Variants in RPTOR observed in about 807,000 individuals in gnomAD.
RPTOR encodes the protein regulatory-associated protein of mTOR.
A neutral mutation model predicts 169.9 loss-of-function variants in RPTOR; 21 were observed. The ratio of observed to expected loss-of-function variants is 0.12; its 90% CI spans 0.09 to 0.18. RPTOR has a LOEUF of 0.18. RPTOR is among the 10% of genes least tolerant of loss of function. RPTOR has a pLI of 1.00. For missense variants in RPTOR, 1,133 were observed against 1,855.9 expected, an observed-to-expected ratio of 0.61 and a Z score of 7.16; for synonymous variants, 732 against 753.2, an observed-to-expected ratio of 0.97 and a Z score of 0.46.
intron 7 of RPTOR, among the ~76,000 whole-genome samples, chr17:80,793,146 G>T (rs2067066807): frequency 6.6e-6 from 1 of 152,158 alleles, no homozygotes; most frequent in Non-Finnish European, 1.5e-5. Flanking sequence ...GCACTGATGT[G>T]CTACTCAGAA....
chr17:80,733,988 T>C (rs565468138), intron 5 of RPTOR, among the ~76,000 whole-genome samples: 2 of 152,372 alleles, frequency 1.3e-5, no homozygotes, highest in African/African-American at 4.8e-5. Context: ...CTGCACTTTC[T>C]GTGATTGTCT....
At position 80,964,942 on chromosome 17, in the gene RPTOR, T is replaced by C; in HGVS notation, c.*612T>C. ...GGGTGTGAAGGAAGCCGCCCAGGGG[T>C]CCGGGCTGTCCTTGGCCGCTGGCAG... On this transcript the variant is annotated 3_prime_UTR_variant, in exon 34 of 34. Transcript: ENST00000306801. 2 of 233,326 alleles carry C rather than the reference T, an allele frequency of 8.6e-6. 1 individual carries two copies. 14.5% of individuals were successfully genotyped at this position (233,326 alleles called of 1,614,324 possible).
chr17:80,547,023 C>G (rs188248642), intron 1 of RPTOR, among the ~76,000 whole-genome samples: 196 of 152,230 alleles, frequency 1.3e-3, no homozygotes, highest in African/African-American at 4.2e-3. Flanking sequence ...GAGCCGAAAT[C>G]GCACCATTGC....
intron 13 of RPTOR, among the ~76,000 whole-genome samples, chr17:80,859,739 T>C (rs1040301182): frequency 6.6e-6 from 1 of 152,234 alleles, no homozygotes; most frequent in Non-Finnish European, 1.5e-5. Context: ...GGGGTGGTCA[T>C]GTATGTGGGC....
intron 2 of RPTOR, among the ~76,000 whole-genome samples, 165 bp downstream of exon 2, chr17:80,625,958 C>T (rs967720176): frequency 1.3e-5 from 2 of 152,176 alleles, no homozygotes; most frequent in Non-Finnish European, 2.9e-5. Flanking sequence ...ATTTCCGATG[C>T]GCTCACCTGT....
intron 5 of RPTOR, among the ~76,000 whole-genome samples, chr17:80,750,025 A>T (rs1357470675): frequency 6.6e-6 from 1 of 151,598 alleles, no homozygotes; most frequent in African/African-American, 2.4e-5. Flanking sequence ...TAATTAAAAA[A>T]AAATTTTGGA....
At chr17:80,612,115 T>C (rs2143489265) in intron 1 of RPTOR, among the ~76,000 whole-genome samples, 1 of 152,330 alleles carries the variant, frequency 6.6e-6, no homozygotes, top group East Asian at 1.9e-4. Context: ...CACTCTAAAA[T>C]AGGATAGTTT....
chr17:80,760,294 T>C (rs1040680615), intron 6 of RPTOR, among the ~76,000 whole-genome samples: 1 of 134,178 alleles, frequency 7.5e-6, no homozygotes, highest in Non-Finnish European at 1.6e-5. Context: ...TCGAGCTTTC[T>C]TTTTTCTTTT....
intron 9 of RPTOR, among the ~76,000 whole-genome samples, chr17:80,831,296 G>C (rs2067500868): frequency 6.6e-6 from 1 of 152,144 alleles, no homozygotes; most frequent in African/African-American, 2.4e-5. Flanking sequence ...CACGGAGGCT[G>C]AGACGATTCC....
At chr17:80,813,861 C>T (rs916775182) in intron 7 of RPTOR, among the ~76,000 whole-genome samples, 1 of 152,186 alleles carries the variant, frequency 6.6e-6, no homozygotes, top group African/African-American at 2.4e-5. Flanking sequence ...TGACTCGGTA[C>T]GGTGGCTTAT....
intron 3 of RPTOR, among the ~76,000 whole-genome samples, chr17:80,653,552 G>A (rs1169131326): frequency 6.6e-6 from 1 of 152,176 alleles, no homozygotes; most frequent in African/African-American, 2.4e-5. Context: ...CTCCTGTCGG[G>A]GTGAGTGCAG....
At chr17:80,725,830 C>G (rs994908398) in intron 4 of RPTOR, among the ~76,000 whole-genome samples, 1 of 152,222 alleles carries the variant, frequency 6.6e-6, no homozygotes, top group Non-Finnish European at 1.5e-5. Context: ...GGGATACAGA[C>G]TTCCAAATTG....
chr17:80,548,986 C>T (rs981869873), intron 1 of RPTOR, among the ~76,000 whole-genome samples: 2 of 152,166 alleles, frequency 1.3e-5, no homozygotes, highest in African/African-American at 2.4e-5. Flanking sequence ...GCTACAGATT[C>T]CTCAAATTGA....
chr17:80,759,496 G>A (rs1047860124), intron 6 of RPTOR, among the ~76,000 whole-genome samples: 5 of 152,134 alleles, frequency 3.3e-5, no homozygotes, highest in East Asian at 1.9e-4. Context: ...ACAATTGAGC[G>A]GTGTCTCAGG....
intron 3 of RPTOR, among the ~76,000 whole-genome samples, chr17:80,700,813 G>C (rs1284262042): frequency 3.2e-5 from 3 of 95,108 alleles, no homozygotes; most frequent in African/African-American, 1.1e-4. Context: ...TGATGGTGGT[G>C]ATGGTGATGG....
At chr17:80,926,629 T>A (rs1598405531) in intron 24 of RPTOR, among the ~76,000 whole-genome samples, 1 of 152,212 alleles carries the variant, frequency 6.6e-6, no homozygotes, top group East Asian at 1.9e-4. Flanking sequence ...AAGTTAAACA[T>A]TAAAAATAGT....
intron 1 of RPTOR, among the ~76,000 whole-genome samples, chr17:80,577,427 G>A (rs1230556243): frequency 2.0e-5 from 3 of 152,060 alleles, no homozygotes; most frequent in Non-Finnish European, 4.4e-5. Flanking sequence ...ACAGGTGCAT[G>A]CCACCACACC....
Position 80,918,474 on chromosome 17 carries a change from TCATAGCCACGAGCACCCTCGC to T in RPTOR, c.2521-4249_2521-4229del, listed in dbSNP as rs2068704011. 4.0e-4 allele frequency among the ~76,000 whole-genome samples: 38 copies of T among 94,986 alleles called. 1 individual carries two copies. Among genetic ancestry groups the T allele is most frequent in the African/African-American group, 1.3e-3 (34 of 25,186 alleles). 62.3% of individuals were successfully genotyped at this position (94,986 alleles called of 152,430 possible). A position where few individuals can be genotyped will look rare whatever the true frequency, so the allele number is the denominator to read the frequency against. On this transcript the variant is annotated intron_variant, in intron 21 of 33. Transcript: ENST00000306801. ...ATAGCCACGAGCACCCTCGCCGGAGTCATAGCCACGAGCACCCTCGCGGGGGTCATAGCCATGAGCACCCTC... is the reference window on the plus strand; with the variant it reads ...ATAGCCACGAGCACCCTCGCCGGAGTGGGGGTCATAGCCATGAGCACCCTC...
intron 21 of RPTOR, among the ~76,000 whole-genome samples, chr17:80,922,364 G>T (rs931483496): frequency 9.2e-5 from 14 of 152,274 alleles, no homozygotes; most frequent in African/African-American, 2.6e-4. Context: ...CACTGAGGCC[G>T]CCAGGAGCCG....
Sources: allele counts gnomAD v4.1 joint callset (sites outside exome capture counted in the v4.1 genomes callset), GRCh38; gene constraint gnomAD v4.1.1; transcripts MANE v1.5; gene names NCBI Gene and HGNC (gene_info 2026-07-23, HGNC 2026-07-21).